The following PRIMA1 variants were observed in gnomAD, a reference collection of about 807,000 sequenced individuals.
PRIMA1 encodes the protein proline rich membrane anchor 1.
PRIMA1 carries 7 observed loss-of-function variants against 17.5 expected under a neutral mutation model. The ratio of observed to expected loss-of-function variants is 0.40; its 90% CI spans 0.23 to 0.75. PRIMA1 has a LOEUF of 0.75. Among genes scored for constraint, PRIMA1 ranks in the 30% least tolerant of loss-of-function variants. The pLI is 0.37. For missense variants in PRIMA1, 200 were observed against 201.8 expected (o/e 0.99, Z 0.05); for synonymous variants, 97 against 77.9 (o/e 1.25, Z -1.29).
intron 3 of PRIMA1, among the ~76,000 whole-genome samples, chr14:93,773,672 C>T (rs1288266312): frequency 6.6e-6 from 1 of 152,232 alleles, no homozygotes; most frequent in African/African-American, 2.4e-5. Flanking sequence ...GCTCTTTCTC[C>T]AGTGGCAGGC....
intron 4 of PRIMA1, among the ~76,000 whole-genome samples, chr14:93,735,736 G>T (rs1439263345): frequency 1.4e-5 from 2 of 145,264 alleles, no homozygotes; most frequent in Non-Finnish European, 1.5e-5. Flanking sequence ...CTGTCGCCCA[G>T]TCTGGAGTGC....
At chr14:93,781,687 C>T (rs1315571522) in intron 2 of PRIMA1, among the ~76,000 whole-genome samples, 1 of 152,194 alleles carries the variant, frequency 6.6e-6, no homozygotes, top group African/African-American at 2.4e-5. Context: ...AAGGAGCACA[C>T]TGCATTTAAA....
chr14:93,766,034 A>C (rs1206799830), intron 3 of PRIMA1, among the ~76,000 whole-genome samples: 2 of 152,378 alleles, frequency 1.3e-5, no homozygotes, highest in South Asian at 4.1e-4. Flanking sequence ...CTTTGCACTC[A>C]GGGCCACACA....
chr14:93,751,098 G>A (rs1054285073), intron 3 of PRIMA1, among the ~76,000 whole-genome samples: 1 of 152,178 alleles, frequency 6.6e-6, no homozygotes, highest in Non-Finnish European at 1.5e-5. Flanking sequence ...TGGCCGGGAC[G>A]CAGGGACTCT....
intron 3 of PRIMA1, among the ~76,000 whole-genome samples, chr14:93,743,732 G>C (rs1242745618): frequency 2.0e-5 from 3 of 152,246 alleles, no homozygotes; most frequent in African/African-American, 7.2e-5. Context: ...GGGAGCAGAG[G>C]TGAAAGGAGT....
intron 3 of PRIMA1, among the ~76,000 whole-genome samples, chr14:93,747,836 AGTGTATGAGTGT>A (rs1037920318): frequency 1.4e-4 from 19 of 138,484 alleles, no homozygotes; most frequent in Admixed American, 7.8e-4. Context: ...TGTGTGTGAG[AGTGTATGAGTGT>A]GTGTATGAGT....
chr14:93,759,977 T>A (rs908475164), intron 3 of PRIMA1, among the ~76,000 whole-genome samples: 1 of 152,224 alleles, frequency 6.6e-6, no homozygotes, highest in Non-Finnish European at 1.5e-5. Flanking sequence ...GCAGCACAGA[T>A]GCCACAGCCA....
intron 2 of PRIMA1, among the ~76,000 whole-genome samples, chr14:93,786,279 G>C (rs1360049406): frequency 6.6e-6 from 1 of 152,228 alleles, no homozygotes; most frequent in Non-Finnish European, 1.5e-5. Flanking sequence ...TTTAATAACT[G>C]CTGTTTCACA....
intron 3 of PRIMA1, among the ~76,000 whole-genome samples, chr14:93,775,156 G>C (rs1262219427): frequency 6.6e-6 from 1 of 152,272 alleles, no homozygotes; most frequent in Non-Finnish European, 1.5e-5. Flanking sequence ...GCCCTTGTGA[G>C]TGGCAAGAAT....
chr14:93,728,430 A>C (rs2076093324), intron 4 of PRIMA1, among the ~76,000 whole-genome samples: 1 of 152,144 alleles, frequency 6.6e-6, no homozygotes, highest in African/African-American at 2.4e-5. Context: ...GCTGGGATGG[A>C]GGCCTGTGCA....
intron 3 of PRIMA1, among the ~76,000 whole-genome samples, chr14:93,747,878 G>A (rs1044691741): frequency 1.4e-5 from 2 of 147,824 alleles, no homozygotes; most frequent in African/African-American, 5.1e-5. Flanking sequence ...TGGGGACTGA[G>A]TGGGAGAGTG....
chr14:93,739,179 A>G (rs1293806018), intron 3 of PRIMA1, among the ~76,000 whole-genome samples: 1 of 151,864 alleles, frequency 6.6e-6, no homozygotes, highest in East Asian at 1.9e-4. Flanking sequence ...CAGCCTCCCA[A>G]GTAGCTGGGA....
In PRIMA1 at chr14:93,749,580, T is replaced by C. The variant is rs911413903; in HGVS notation, c.230-12210A>G. ...AAACAAAAATGAGAATGACTTGACA[T>C]GGAGAGCCAGTGTGAGCTGACTGAA... is the stretch of plus-strand genomic sequence containing the variant. On this transcript the variant is annotated intron_variant, in intron 3 of 4. Transcript: ENST00000393140. Among the ~76,000 whole-genome samples, 185 of 151,894 alleles carry C rather than the reference T, an allele frequency of 1.2e-3. 2 individuals carry two copies. The highest frequency in any genetic ancestry group is 0.012 in the Admixed American group (184 of 15,232).
At chr14:93,776,013 C>T (rs757049636) in intron 3 of PRIMA1, among the ~76,000 whole-genome samples, 5 of 152,300 alleles carry the variant, frequency 3.3e-5, no homozygotes, top group Non-Finnish European at 7.3e-5. Flanking sequence ...GGACTTCCCT[C>T]GGACTACTGG....
At chr14:93,758,594 C>CAAAAAAAAAAAA (rs34329291) in intron 3 of PRIMA1, among the ~76,000 whole-genome samples, 9 of 81,252 alleles carry the variant, frequency 1.1e-4, no homozygotes, top group Non-Finnish European at 1.9e-4. Context: ...GCAAGACTCT[C>CAAAAAAAAAAAA]AAAAAAAAAA....
intron 3 of PRIMA1, among the ~76,000 whole-genome samples, chr14:93,746,353 G>A (rs753189627): frequency 2.6e-5 from 4 of 152,056 alleles, no homozygotes; most frequent in East Asian, 1.9e-4. Context: ...TCAGTGTGAC[G>A]CACGGTGGTC....
chr14:93,755,913 GAGATTACTCC>G (rs1415592720), intron 3 of PRIMA1, among the ~76,000 whole-genome samples: 3 of 152,272 alleles, frequency 2.0e-5, no homozygotes, highest in Admixed American at 1.3e-4. Flanking sequence ...CCAGAGAGCA[GAGATTACTCC>G]AGCGGTTCCG....
intron 3 of PRIMA1, among the ~76,000 whole-genome samples, chr14:93,751,914 C>T (rs141694641): frequency 6.6e-6 from 1 of 152,296 alleles, no homozygotes; most frequent in East Asian, 1.9e-4. Flanking sequence ...AAATTAGATA[C>T]ATCAAGAATT....
At chr14:93,731,103 C>G (rs561651355) in intron 4 of PRIMA1, among the ~76,000 whole-genome samples, 1 of 148,730 alleles carries the variant, frequency 6.7e-6, no homozygotes, top group Non-Finnish European at 1.5e-5. Flanking sequence ...CAGCATAGTA[C>G]GCTATGTGGC....
Sources: gnomAD v4.1 joint callset for allele counts (sites outside exome capture counted in the v4.1 genomes callset) on GRCh38, gnomAD v4.1.1 for gene constraint, MANE v1.5 for transcripts, NCBI Gene and HGNC (gene_info 2026-07-23, HGNC 2026-07-21) for gene names.